Variants in DCDC2 observed in about 807,000 individuals in gnomAD.
The protein encoded by DCDC2 is doublecortin domain-containing protein 2.
A neutral mutation model predicts 50.2 loss-of-function variants in DCDC2; 40 were observed. The observed-to-expected ratio is 0.80, with a 90% CI of 0.62 to 1.04. The LOEUF (loss-of-function observed/expected upper bound fraction) is 1.04. DCDC2 is among the 50% of genes least tolerant of loss of function. DCDC2 has a pLI of 0.00. For synonymous variants in DCDC2, 234 were observed against 210.6 expected (o/e 1.11, Z -0.96); for missense variants, 570 against 581.9 (o/e 0.98, Z 0.21).
rs1293185074 is a variant in DCDC2, at chr6:24,251,169, G to T, written c.922+26880C>A. Among the ~76,000 whole-genome samples the T allele has an allele frequency of 2.6e-5, 4 of 152,144 alleles. No individual in the cohort carries two copies. In the East Asian group the frequency reaches 7.7e-4, roughly 29 times the overall value. On this transcript the variant is annotated intron_variant, in intron 7 of 9. Coordinates refer to ENST00000378454, the MANE Select transcript of DCDC2 (RefSeq NM_016356.5). Reference sequence around the variant, plus strand: ...AATCTCCAATAGCACTGGCTAATTGGAGTTTAGAATTCTCTCCTGTTTCCT... The same window carrying T: ...AATCTCCAATAGCACTGGCTAATTGTAGTTTAGAATTCTCTCCTGTTTCCT...
At chr6:24,370,278 C>T in the DCDC2 span, among the ~76,000 whole-genome samples, 2 of 152,050 alleles carry the variant, frequency 1.3e-5, no homozygotes, top group African/African-American at 2.4e-5. Context: ...AAATTTGAAC[C>T]CTCATACATT....
intron 2 of DCDC2, among the ~76,000 whole-genome samples, chr6:24,306,555 C>CAG (rs1759479983): frequency 6.8e-6 from 1 of 146,556 alleles, no homozygotes; most frequent in African/African-American, 2.6e-5. Flanking sequence ...GACAGACAGA[C>CAG]AGACAGACAG....
At chr6:24,288,751 G>A in intron 6 of DCDC2, 101 bp downstream of exon 6, 3 of 1,058,752 alleles carry the variant, frequency 2.8e-6, no homozygotes. Context: ...CCACGAAGCG[G>A]CTAAGTTTTA....
intron 9 of DCDC2, 88 bp from the exon 10 acceptor site, chr6:24,174,922 C>A: frequency 1.5e-6 from 1 of 686,042 alleles, no homozygotes. Flanking sequence ...ACTCAAGATT[C>A]TATTTAATTA....
chr6:24,290,658 T>C (rs560129960), intron 5 of DCDC2, among the ~76,000 whole-genome samples: 1 of 152,146 alleles, frequency 6.6e-6, no homozygotes, highest in Admixed American at 6.5e-5. Context: ...TTCTTCACAA[T>C]AATAAATTTT....
upstream of DCDC2, among the ~76,000 whole-genome samples, chr6:24,359,592 A>ATTTATATATATATATTTTATATATAT (rs1760625519): frequency 7.9e-6 from 1 of 126,268 alleles, no homozygotes; most frequent in African/African-American, 3.1e-5. Flanking sequence ...TATATTATAT[A>ATTTATATATATATATTTTATATATAT]TATTCAGAGA....
intron 8 of DCDC2, among the ~76,000 whole-genome samples, chr6:24,189,255 CA>C (rs1244041852): frequency 6.6e-6 from 1 of 152,064 alleles, no homozygotes; most frequent in African/African-American, 2.4e-5. Context: ...GGATGGGGCT[CA>C]GGGGAAATCG....
At chr6:24,222,462 T>C (rs370133606) in intron 7 of DCDC2, among the ~76,000 whole-genome samples, 1 of 152,242 alleles carries the variant, frequency 6.6e-6, no homozygotes, top group African/African-American at 2.4e-5. Context: ...GTTGGAATCC[T>C]TCTGTAAAAG....
intron 7 of DCDC2, among the ~76,000 whole-genome samples, chr6:24,229,929 T>G (rs1762305372): frequency 2.0e-5 from 3 of 152,118 alleles, no homozygotes; most frequent in Admixed American, 2.0e-4. Context: ...ACCCATGGTT[T>G]GGCCACTGGC....
At chr6:24,194,253 C>T (rs1483191775) in intron 8 of DCDC2, among the ~76,000 whole-genome samples, 5 of 151,938 alleles carry the variant, frequency 3.3e-5, no homozygotes, top group East Asian at 1.9e-4. Context: ...TTGTACAATT[C>T]TGATTAAAAA....
intron 5 of DCDC2, 114 bp from the exon 6 acceptor site, chr6:24,289,020 A>G: frequency 1.4e-6 from 1 of 718,546 alleles, no homozygotes; most frequent in Non-Finnish European, 2.3e-6. Flanking sequence ...TGTTTCACAA[A>G]AGGTAGATAA....
intron 6 of DCDC2, among the ~76,000 whole-genome samples, chr6:24,285,690 C>A (rs1314528409): frequency 6.6e-6 from 1 of 152,026 alleles, no homozygotes; most frequent in Non-Finnish European, 1.5e-5. Flanking sequence ...TGTGTACCTA[C>A]ACATGCATTT....
intron 2 of DCDC2, among the ~76,000 whole-genome samples, chr6:24,352,293 G>C (rs76968809): frequency 6.6e-6 from 1 of 152,074 alleles, no homozygotes; most frequent in Non-Finnish European, 1.5e-5. Context: ...TTTCATGCAA[G>C]GTAGTATACT....
intron 7 of DCDC2, among the ~76,000 whole-genome samples, chr6:24,206,957 A>T (rs1761727373): frequency 1.3e-5 from 2 of 152,200 alleles, no homozygotes; most frequent in African/African-American, 4.8e-5. Flanking sequence ...AGAAATGAAG[A>T]TCAGAAAGGA....
intron 7 of DCDC2, 100 bp downstream of exon 7, chr6:24,277,949 T>G: frequency 1.0e-6 from 1 of 990,286 alleles, no homozygotes; most frequent in Non-Finnish European, 1.4e-6. Context: ...AACTCTCATA[T>G]ATGAAAATAA....
intron 7 of DCDC2, among the ~76,000 whole-genome samples, chr6:24,250,865 A>G (rs62400394): frequency 0.06 from 9,193 of 152,258 alleles, 285 homozygotes; most frequent in Middle Eastern, 0.11. Flanking sequence ...AGAGTGTGTC[A>G]CAAGCGATGA....
At chr6:24,233,002 C>T (rs999219840) in intron 7 of DCDC2, among the ~76,000 whole-genome samples, 1 of 152,160 alleles carries the variant, frequency 6.6e-6, no homozygotes, top group Non-Finnish European at 1.5e-5. Context: ...TAGGGCAGCA[C>T]TCAATGGTTT....
intron 4 of DCDC2, among the ~76,000 whole-genome samples, chr6:24,292,731 C>G (rs1763778047): frequency 6.6e-6 from 1 of 152,208 alleles, no homozygotes. Context: ...TTTCTGAATA[C>G]TGGCATTATT....
At chr6:24,330,706 T>C (rs1029096371) in intron 2 of DCDC2, among the ~76,000 whole-genome samples, 2 of 152,014 alleles carry the variant, frequency 1.3e-5, no homozygotes, top group Non-Finnish European at 1.5e-5. Flanking sequence ...AAGGAAAGAG[T>C]GGGCAGCCAT....
Sources: allele counts gnomAD v4.1 joint callset (sites outside exome capture counted in the v4.1 genomes callset), GRCh38; gene constraint gnomAD v4.1.1; transcripts MANE v1.5; gene names NCBI Gene and HGNC (gene_info 2026-07-23, HGNC 2026-07-21).